The following TMTC1 variants were observed in gnomAD, a reference collection of about 807,000 sequenced individuals.
The protein encoded by TMTC1 is transmembrane O-mannosyltransferase targeting cadherins 1, also known as protein O-mannosyl-transferase TMTC1.
In TMTC1, 73 loss-of-function variants were observed where a neutral mutation model predicts 104.8. The observed-to-expected ratio is 0.70, with a 90% CI of 0.58 to 0.85. TMTC1 has a LOEUF of 0.85. Among genes scored for constraint, TMTC1 ranks in the 40% least tolerant of loss-of-function variants. TMTC1 has a pLI of 0.00. For synonymous variants in TMTC1, 434 were observed against 428.7 expected (o/e 1.01, Z -0.15); for missense variants, 1,035 against 1,096.1 (o/e 0.94, Z 0.79).
intron 10 of TMTC1, among the ~76,000 whole-genome samples, chr12:29,545,064 A>G (rs1944903105): frequency 6.6e-6 from 1 of 152,200 alleles, no homozygotes; most frequent in African/African-American, 2.4e-5. Flanking sequence ...GTAGGAGGCA[A>G]TAAATGCTAA....
intron 5 of TMTC1, among the ~76,000 whole-genome samples, chr12:29,727,533 C>T (rs1158015280): frequency 2.0e-5 from 3 of 151,960 alleles, no homozygotes; most frequent in East Asian, 1.9e-4. Context: ...CCCACCACCA[C>T]GCCTGGCTAA....
chr12:29,642,550 C>G (rs983497478), intron 5 of TMTC1, among the ~76,000 whole-genome samples: 1 of 151,964 alleles, frequency 6.6e-6, no homozygotes, highest in African/African-American at 2.4e-5. Flanking sequence ...TGAGAGAATT[C>G]ACAATTACCA....
intron 8 of TMTC1, among the ~76,000 whole-genome samples, chr12:29,581,091 T>C (rs1339643421): frequency 6.6e-6 from 1 of 152,200 alleles, no homozygotes; most frequent in Non-Finnish European, 1.5e-5. Flanking sequence ...ATAAGTAACT[T>C]GCCTAAGATC....
At chr12:29,755,175 G>C (rs939778993) in intron 4 of TMTC1, among the ~76,000 whole-genome samples, 1 of 152,068 alleles carries the variant, frequency 6.6e-6, no homozygotes, top group Admixed American at 6.6e-5. Flanking sequence ...TACTAAATAA[G>C]CTTGTTCATT....
At chr12:29,524,664 C>T (rs1944284838) in intron 11 of TMTC1, among the ~76,000 whole-genome samples, 1 of 152,084 alleles carries the variant, frequency 6.6e-6, no homozygotes, top group African/African-American at 2.4e-5. Flanking sequence ...AGTGAAGGCC[C>T]CTGGCAGTGT....
At chr12:29,587,604 T>A (rs1044914348) in intron 7 of TMTC1, among the ~76,000 whole-genome samples, 1 of 152,178 alleles carries the variant, frequency 6.6e-6, no homozygotes, top group Non-Finnish European at 1.5e-5. Context: ...AGTACTGGGA[T>A]TACAGGTGTG....
At chr12:29,631,486 A>G (rs572385432) in intron 6 of TMTC1, among the ~76,000 whole-genome samples, 1 of 152,268 alleles carries the variant, frequency 6.6e-6, no homozygotes, top group African/African-American at 2.4e-5. Context: ...CATTTTTAAA[A>G]GACCATCCTT....
At chr12:29,638,805 G>C (rs577794932) in intron 5 of TMTC1, among the ~76,000 whole-genome samples, 1 of 152,262 alleles carries the variant, frequency 6.6e-6, no homozygotes, top group Non-Finnish European at 1.5e-5. Flanking sequence ...GGGGGATAAG[G>C]GAACTCCTCC....
At chr12:29,640,107 G>A (rs939404711) in intron 5 of TMTC1, among the ~76,000 whole-genome samples, 5 of 152,196 alleles carry the variant, frequency 3.3e-5, no homozygotes, top group African/African-American at 1.2e-4. Context: ...GACCCATAGA[G>A]ATAGTGAGAC....
chr12:29,541,282 G>A (rs1034687389), intron 10 of TMTC1, among the ~76,000 whole-genome samples: 15 of 152,190 alleles, frequency 9.9e-5, no homozygotes, highest in Admixed American at 3.9e-4. Flanking sequence ...CTGCTAAGCC[G>A]CCTATCCACC....
At chr12:29,574,601 A>C (rs997603505) in intron 8 of TMTC1, among the ~76,000 whole-genome samples, 1 of 152,198 alleles carries the variant, frequency 6.6e-6, no homozygotes, top group African/African-American at 2.4e-5. Context: ...GTTTCTGATG[A>C]GGGTTCTCTT....
At chr12:29,596,362 A>G (rs1336019048) in intron 7 of TMTC1, among the ~76,000 whole-genome samples, 1 of 152,018 alleles carries the variant, frequency 6.6e-6, no homozygotes, top group East Asian at 1.9e-4. Flanking sequence ...TTCCCTTCCA[A>G]TGGTATCATT....
intron 6 of TMTC1, among the ~76,000 whole-genome samples, chr12:29,611,177 CTTTTTTT>C (rs1555176122): frequency 7.7e-6 from 1 of 130,164 alleles, no homozygotes; most frequent in Non-Finnish European, 1.6e-5. Context: ...TTCTGAACTT[CTTTTTTT>C]TTTTTTTTTT....
At chr12:29,751,895 A>T in intron 4 of TMTC1, 23 bp from the exon 5 acceptor site, 2 of 1,515,078 alleles carry the variant, frequency 1.3e-6, no homozygotes, top group Non-Finnish European at 1.8e-6. Context: ...GAATTGAGGG[A>T]AAACAAAGTC....
intron 7 of TMTC1, among the ~76,000 whole-genome samples, chr12:29,596,813 C>T (rs2136374277): frequency 6.6e-6 from 1 of 152,312 alleles, no homozygotes; most frequent in Admixed American, 6.5e-5. Context: ...CTGCCTGGCT[C>T]CCAGGCTTTC....
chr12:29,696,127 A>G lies in TMTC1; in HGVS notation c.938+55539T>C, dbSNP rs145327492. On this transcript the variant is annotated intron_variant, in intron 5 of 17. Transcript: ENST00000539277. ...ATTAACTGTGAAACAATATAAAAATAAATTTTGCTCTTTATTTCGACATTA... is the reference window on the plus strand; with the variant it reads ...ATTAACTGTGAAACAATATAAAAATGAATTTTGCTCTTTATTTCGACATTA... Among the ~76,000 whole-genome samples the G allele has an allele frequency of 6.6e-5, 10 of 152,226 alleles. No homozygotes were observed. The East Asian group carries it at 1.5e-3, about 24-fold the overall frequency.
At chr12:29,558,973 C>A (rs559398348) in intron 9 of TMTC1, among the ~76,000 whole-genome samples, 14 of 152,338 alleles carry the variant, frequency 9.2e-5, no homozygotes, top group African/African-American at 3.4e-4. Context: ...GACTCGAATT[C>A]TTCTAAAGAA....
At chr12:29,618,209 G>A (rs1430035878) in intron 6 of TMTC1, among the ~76,000 whole-genome samples, 3 of 152,106 alleles carry the variant, frequency 2.0e-5, no homozygotes, top group African/African-American at 7.2e-5. Flanking sequence ...TTTTGGCTCA[G>A]GCAACTAGCA....
At chr12:29,536,745 T>C (rs886442345) in intron 10 of TMTC1, among the ~76,000 whole-genome samples, 2 of 150,636 alleles carry the variant, frequency 1.3e-5, no homozygotes, top group African/African-American at 2.4e-5. Context: ...GCTGAGCTCC[T>C]AGGGTGGCTG....
Sources: allele counts gnomAD v4.1 joint callset (sites outside exome capture counted in the v4.1 genomes callset), GRCh38; gene constraint gnomAD v4.1.1; transcripts MANE v1.5; gene names NCBI Gene and HGNC (gene_info 2026-07-23, HGNC 2026-07-21).